Variants in GDPD4 observed in about 807,000 individuals in gnomAD.
The protein encoded by GDPD4 is glycerophosphodiester phosphodiesterase domain containing 4.
In GDPD4, 60 loss-of-function variants were observed where a neutral mutation model predicts 67.8. The observed-to-expected ratio is 0.88, with a 90% CI of 0.72 to 1.10. GDPD4 has a LOEUF of 1.10. Ranked by LOEUF, GDPD4 falls within the 50% of genes least tolerant of loss-of-function variation. The pLI is 0.00. For synonymous variants in GDPD4, 212 were observed against 210.9 expected (o/e 1.00, Z -0.04); for missense variants, 623 against 613.9 (o/e 1.01, Z -0.16).
At chr11:77,232,881 G>T in intron 14 of GDPD4, 144 bp downstream of exon 14, 1 of 646,128 alleles carries the variant, frequency 1.5e-6, no homozygotes, top group Non-Finnish European at 2.6e-6. Flanking sequence ...CTGTGAGAAT[G>T]GAAAATACCA....
chr11:77,238,179 C>T (rs1045892801), intron 13 of GDPD4, among the ~76,000 whole-genome samples: 4 of 152,020 alleles, frequency 2.6e-5, no homozygotes, highest in African/African-American at 9.7e-5. Flanking sequence ...CAAGACTGAT[C>T]AAGAAAAACA....
At chr11:77,268,577 G>T in intron 9 of GDPD4, 38 bp from the exon 10 acceptor site, 1 of 1,450,984 alleles carries the variant, frequency 6.9e-7, no homozygotes, top group Non-Finnish European at 9.7e-7. Flanking sequence ...AAGCCTCAGA[G>T]TCTCTCCTCC....
intron 1 of GDPD4, among the ~76,000 whole-genome samples, chr11:77,298,939 G>A (rs953483278): frequency 6.6e-6 from 1 of 151,726 alleles, no homozygotes; most frequent in Non-Finnish European, 1.5e-5. Context: ...TGGTTTGTAG[G>A]GCATGACTCT....
intron 5 of GDPD4, among the ~76,000 whole-genome samples, chr11:77,272,200 A>T (rs140497408): frequency 6.6e-6 from 1 of 152,364 alleles, no homozygotes; most frequent in African/African-American, 2.4e-5. Context: ...AATATTTCCA[A>T]TCTTTAACAA....
intron 4 of GDPD4, among the ~76,000 whole-genome samples, chr11:77,277,445 G>A (rs1042871078): frequency 8.9e-6 from 1 of 112,780 alleles, no homozygotes; most frequent in Non-Finnish European, 1.6e-5. Flanking sequence ...CTGTCGTCCA[G>A]GCTGGAGTGC....
intron 1 of GDPD4, among the ~76,000 whole-genome samples, chr11:77,299,543 T>C (rs1938090725): frequency 6.6e-6 from 1 of 152,248 alleles, no homozygotes; most frequent in South Asian, 2.1e-4. Context: ...TAAGAGTTTA[T>C]TGCTCACACA....
At chr11:77,272,690 C>T (rs1466635406) in intron 5 of GDPD4, among the ~76,000 whole-genome samples, 1 of 151,824 alleles carries the variant, frequency 6.6e-6, no homozygotes, top group Non-Finnish European at 1.5e-5. Context: ...GTGGGAGAAT[C>T]GCTTGAACCC....
rs770201522 is a variant in GDPD4 at position 77,217,098 on chromosome 11, G to T, written c.*179C>A. ...GGTGGTTGAATCTCATGCTTGCCAGGCTTCAAAGGTGTGACAGCATTCTTG... is the reference window on the plus strand; with the variant it reads ...GGTGGTTGAATCTCATGCTTGCCAGTCTTCAAAGGTGTGACAGCATTCTTG... On this transcript the variant is annotated 3_prime_UTR_variant, in exon 17 of 17. Coordinates refer to ENST00000315938, the MANE Select transcript of GDPD4 (RefSeq NM_182833.3). 61 of 709,506 alleles carry T rather than the reference G, an allele frequency of 8.6e-5. No homozygotes were observed. The highest frequency in any genetic ancestry group is 7.7e-4 in the African/African-American group (44 of 57,230). The allele number at this position is 709,506 out of a possible 1,614,324, so 44.0% of individuals were successfully genotyped here. A position where few individuals can be genotyped will look rare whatever the true frequency, so the allele number is the denominator to read the frequency against.
At chr11:77,228,606 A>G (rs1429400139) in intron 15 of GDPD4, among the ~76,000 whole-genome samples, 1 of 150,520 alleles carries the variant, frequency 6.6e-6, no homozygotes, top group Admixed American at 6.6e-5. Flanking sequence ...TGAACCCAGG[A>G]GGTGGAGGCT....
chr11:77,256,066 T>G (rs1022559358), intron 11 of GDPD4, among the ~76,000 whole-genome samples: 20 of 152,196 alleles, frequency 1.3e-4, no homozygotes, highest in Admixed American at 8.5e-4. Context: ...TAAGTTCCAA[T>G]AACGACCAAG....
chr11:77,282,035 A>G (rs1959777124), intron 3 of GDPD4, among the ~76,000 whole-genome samples: 1 of 152,196 alleles, frequency 6.6e-6, no homozygotes, highest in African/African-American at 2.4e-5. Flanking sequence ...CAAAACAACA[A>G]TAATGTCGTA....
chr11:77,263,831 C>A (rs1959164214), intron 10 of GDPD4, among the ~76,000 whole-genome samples: 1 of 152,106 alleles, frequency 6.6e-6, no homozygotes, highest in Non-Finnish European at 1.5e-5. Flanking sequence ...CACACACATA[C>A]TTGTTATGTG....
intron 4 of GDPD4, 67 bp from the exon 5 acceptor site, chr11:77,276,287 C>T (rs1054344748): frequency 1.7e-6 from 2 of 1,182,758 alleles, no homozygotes; most frequent in African/African-American, 3.0e-5. Flanking sequence ...AAGCACTGTT[C>T]CTATAGCTCC....
intron 11 of GDPD4, among the ~76,000 whole-genome samples, chr11:77,250,828 G>GT (rs1231805841): frequency 1.3e-5 from 2 of 151,984 alleles, no homozygotes; most frequent in Non-Finnish European, 2.9e-5. Flanking sequence ...ATATGTCTGG[G>GT]TGCTTTAGTG....
intron 3 of GDPD4, among the ~76,000 whole-genome samples, chr11:77,283,703 C>G (rs1167359409): frequency 6.6e-6 from 1 of 151,862 alleles, no homozygotes; most frequent in African/African-American, 2.4e-5. Context: ...TAAACTTGTT[C>G]TGAAACTAAA....
chr11:77,285,059 A>C (rs769129847), intron 3 of GDPD4, 26 bp downstream of exon 3: 5 of 1,571,254 alleles, frequency 3.2e-6, no homozygotes, highest in Admixed American at 1.7e-5. Context: ...CCTTACACAA[A>C]TGAAACTACA....
In GDPD4 at chr11:77,258,047, C is replaced by A. The variant is rs144033296; in HGVS notation, c.864+339G>T. On this transcript the variant is annotated intron_variant, in intron 11 of 16. Transcript: ENST00000315938. ...TTGTTGAATGGCAAGCAGAAAAAAT[C>A]AAAAATATATGTCCTAGTCTGCCTC... Among the ~76,000 whole-genome samples the A allele has an allele frequency of 1.6e-4, 25 of 152,180 alleles. 2 individuals are homozygous for A. The East Asian group carries it at 3.7e-3, about 22-fold the overall frequency.
intron 16 of GDPD4, among the ~76,000 whole-genome samples, chr11:77,223,002 T>C (rs1424429230): frequency 1.3e-5 from 2 of 152,220 alleles, no homozygotes; most frequent in Non-Finnish European, 2.9e-5. Context: ...TTTCTTCCAC[T>C]TGATCAAATC....
At chr11:77,289,692 C>G (rs1298801099) in intron 1 of GDPD4, among the ~76,000 whole-genome samples, 1 of 151,208 alleles carries the variant, frequency 6.6e-6, no homozygotes, top group African/African-American at 2.4e-5. Flanking sequence ...GATTGCACCA[C>G]TGCACTCCAG....
Sources: allele counts gnomAD v4.1 joint callset (sites outside exome capture counted in the v4.1 genomes callset), GRCh38; gene constraint gnomAD v4.1.1; transcripts MANE v1.5; gene names NCBI Gene and HGNC (gene_info 2026-07-23, HGNC 2026-07-21).